The following LRP2 variants were observed in gnomAD, a reference collection of about 807,000 sequenced individuals.
LRP2 encodes low-density lipoprotein receptor-related protein 2.
In LRP2, 172 loss-of-function variants were observed where a neutral mutation model predicts 531.0. The ratio of observed to expected loss-of-function variants is 0.32; its 90% CI spans 0.29 to 0.37. The LOEUF (loss-of-function observed/expected upper bound fraction) is 0.37, where lower values mean the gene tolerates loss of function less well. Ranked by LOEUF, LRP2 falls within the 10% of genes least tolerant of loss-of-function variation. LRP2 has a pLI of 1.00. For synonymous variants in LRP2, 1,992 were observed against 2,027.6 expected, an observed-to-expected ratio of 0.98 and a Z score of 0.47; for missense variants, 5,167 against 5,868.3, an observed-to-expected ratio of 0.88 and a Z score of 3.90.
intron 1 of LRP2, among the ~76,000 whole-genome samples, chr2:169,321,462 C>CAAA (rs929689152): frequency 9.3e-5 from 11 of 117,950 alleles, no homozygotes; most frequent in African/African-American, 3.4e-4. Context: ...GTTACATATG[C>CAAA]AAAAAAAAAA....
intron 1 of LRP2, among the ~76,000 whole-genome samples, chr2:169,350,132 A>G (rs1269196442): frequency 6.6e-6 from 1 of 152,252 alleles, no homozygotes; most frequent in Non-Finnish European, 1.5e-5. Flanking sequence ...AAGGAATTCT[A>G]TATGGGGTAG....
chr2:169,273,133 C>A, intron 14 of LRP2, 66 bp from the exon 15 acceptor site: 2 of 1,571,962 alleles, frequency 1.3e-6, no homozygotes, highest in Non-Finnish European at 1.7e-6. Flanking sequence ...GACATGAAGC[C>A]ACTTCTAGCC....
At chr2:169,136,801 C>T (rs1363607085) in intron 76 of LRP2, among the ~76,000 whole-genome samples, 2 of 152,076 alleles carry the variant, frequency 1.3e-5, no homozygotes, top group African/African-American at 4.8e-5. Flanking sequence ...CCTTGTTGCT[C>T]ACACACACAA....
chr2:169,230,872 A>T (rs1048557866), intron 31 of LRP2, among the ~76,000 whole-genome samples: 4 of 152,234 alleles, frequency 2.6e-5, no homozygotes, highest in Admixed American at 2.6e-4. Flanking sequence ...TTGCTCAGTC[A>T]CTTGTAATAT....
At chr2:169,236,135 A>T in intron 28 of LRP2, 67 bp from the exon 29 acceptor site, 2 of 1,107,072 alleles carry the variant, frequency 1.8e-6, no homozygotes, top group Non-Finnish European at 2.7e-6. Context: ...CTGTCATTTT[A>T]AATAATACAA....
intron 4 of LRP2, among the ~76,000 whole-genome samples, chr2:169,299,139 GA>G (rs10659916): frequency 3.5e-5 from 2 of 57,294 alleles, no homozygotes; most frequent in East Asian, 9.4e-4. Flanking sequence ...AAGAAAGAAA[GA>G]AAGAAAGAAA....
chr2:169,355,978 C>A (rs1368679437), intron 1 of LRP2, among the ~76,000 whole-genome samples: 5 of 152,184 alleles, frequency 3.3e-5, no homozygotes, highest in African/African-American at 1.2e-4. Flanking sequence ...GTAGCCTCGA[C>A]CTCCTGGGCT....
intron 31 of LRP2, among the ~76,000 whole-genome samples, chr2:169,227,113 G>T (rs1256325886): frequency 6.6e-6 from 1 of 152,168 alleles, no homozygotes; most frequent in Non-Finnish European, 1.5e-5. Context: ...TAAATCCAAT[G>T]TATAATCCTA....
chr2:169,220,712 T>G, intron 33 of LRP2, 149 bp from the exon 34 acceptor site: 1 of 663,342 alleles, frequency 1.5e-6, no homozygotes, highest in Non-Finnish European at 2.7e-6. Flanking sequence ...ATAATCTATA[T>G]TGCACTTCAG....
chr2:169,213,068 G>A (rs1040716559), intron 36 of LRP2, among the ~76,000 whole-genome samples: 6 of 151,938 alleles, frequency 3.9e-5, no homozygotes, highest in African/African-American at 7.3e-5. Context: ...GGCTGAAGAC[G>A]AAAGCTATAA....
intron 12 of LRP2, 129 bp from the exon 13 acceptor site, chr2:169,278,080 C>A: frequency 1.3e-6 from 1 of 741,624 alleles, no homozygotes; most frequent in Non-Finnish European, 2.3e-6. Flanking sequence ...TATAAAACAA[C>A]AGGGAAATTA....
In LRP2 at chr2:169,242,956, G is replaced by A. The variant is rs145657082; in HGVS notation, c.3667C>T (p.Pro1223Ser). The A allele has an allele frequency of 3.2e-5, 51 of 1,611,342 alleles. No individual in the cohort carries two copies. The African/African-American group carries it at 5.1e-4, about 16-fold the overall frequency. The change falls in exon 24 of 79, where the codon CCA becomes TCA. Residue 1223 changes from proline to serine, a missense_variant and splice_region_variant. This residue lies in a region of LRP2 where 2,811 missense variants were observed against 3,058.0 expected (regional missense o/e 0.92). Transcript: ENST00000649046. Reference protein sequence around the residue: ...CSDNSDEAGCPTRPPGMCHSD... With the variant: ...CSDNSDEAGCSTRPPGMCHSD... ...AACATTCTGGGTATGTGTTACTTACGACAGCCTGCTTCATCCGAGTTGTCA... is the reference window on the plus strand; with the variant it reads ...AACATTCTGGGTATGTGTTACTTACAACAGCCTGCTTCATCCGAGTTGTCA...
chr2:169,295,079 A>G (rs1684102514), intron 4 of LRP2, among the ~76,000 whole-genome samples: 1 of 152,234 alleles, frequency 6.6e-6, no homozygotes, highest in Non-Finnish European at 1.5e-5. Context: ...AAAATCAAAC[A>G]TTCTTTTACA....
intron 48 of LRP2, among the ~76,000 whole-genome samples, chr2:169,189,563 C>T (rs556601923): frequency 1.3e-5 from 2 of 152,256 alleles, no homozygotes; most frequent in South Asian, 4.1e-4. Flanking sequence ...CAGCTCATCA[C>T]CAAATTGTCA....
intron 54 of LRP2, among the ~76,000 whole-genome samples, 160 bp from the exon 55 acceptor site, chr2:169,175,549 A>G (rs1223782125): frequency 6.6e-6 from 1 of 152,240 alleles, no homozygotes; most frequent in Non-Finnish European, 1.5e-5. Context: ...GTGTATTTTC[A>G]GAGAAAACAT....
chr2:169,173,777 A>G, intron 56 of LRP2, 142 bp downstream of exon 56: 1 of 1,120,196 alleles, frequency 8.9e-7, no homozygotes, highest in South Asian at 1.3e-5. Context: ...TCTGCCTTGC[A>G]GTGCCAGAGT....
chr2:169,335,010 A>G (rs1456066658), intron 1 of LRP2, among the ~76,000 whole-genome samples: 3 of 152,168 alleles, frequency 2.0e-5, no homozygotes, highest in African/African-American at 7.2e-5. Flanking sequence ...CTTGCTTGGT[A>G]GGATGCTCAA....
At chr2:169,255,086 G>A (rs1426271781) in intron 19 of LRP2, among the ~76,000 whole-genome samples, 1 of 152,130 alleles carries the variant, frequency 6.6e-6, no homozygotes, top group Admixed American at 6.6e-5. Context: ...TATAGTGAGT[G>A]TCTAGTCTTT....
chr2:169,178,389 G>T (rs1238552576), intron 52 of LRP2, among the ~76,000 whole-genome samples: 1 of 152,056 alleles, frequency 6.6e-6, no homozygotes, highest in African/African-American at 2.4e-5. Flanking sequence ...GATATCCTGG[G>T]GTGAACACCA....
Sources: allele counts gnomAD v4.1 joint callset (sites outside exome capture counted in the v4.1 genomes callset), GRCh38; gene constraint gnomAD v4.1.1; regional missense constraint gnomAD v4.1.1; transcripts MANE v1.5; gene names NCBI Gene and HGNC (gene_info 2026-07-23, HGNC 2026-07-21).